MRAS: variants seen among roughly 807,000 people sequenced by gnomAD.
MRAS encodes ras-related protein M-Ras.
MRAS carries 4 observed loss-of-function variants against 20.9 expected under a neutral mutation model. The ratio of observed to expected loss-of-function variants is 0.19; its 90% CI spans 0.09 to 0.44. The LOEUF is 0.44. MRAS is among the 20% of genes least tolerant of loss of function. MRAS has a pLI of 0.99. For synonymous variants in MRAS, 98 were observed against 102.9 expected (o/e 0.95, Z 0.29); for missense variants, 154 against 277.5 (o/e 0.56, Z 3.16).
At chr3:138,360,365 G>C (rs572110774) in intron 1 of MRAS, among the ~76,000 whole-genome samples, 3 of 152,214 alleles carry the variant, frequency 2.0e-5, no homozygotes, top group Non-Finnish European at 4.4e-5. Context: ...TGAACTGGCG[G>C]AACACCGTGA....
chr3:138,354,685 C>A (rs1280695920), intron 1 of MRAS, among the ~76,000 whole-genome samples: 1 of 152,156 alleles, frequency 6.6e-6, no homozygotes, highest in Non-Finnish European at 1.5e-5. Flanking sequence ...GTCATAGCTG[C>A]CTAAACTGAA....
rs75161827 is a variant in MRAS, at chr3:138,376,804, A to G, written c.193+3728A>G. 7.2e-3 allele frequency among the ~76,000 whole-genome samples: 1,100 copies of G among 152,352 alleles called. 18 individuals are homozygous for G. Among genetic ancestry groups the G allele is most frequent in the African/African-American group, 0.026 (1,067 of 41,570 alleles). ...CATATTAGAGGTGTAGTGATAGGAT[A>G]CATTGTCCTTAGAGCTTCCCACAGG... On this transcript the variant is annotated intron_variant, in intron 2 of 5. Transcript: ENST00000423968.
intron 4 of MRAS, among the ~76,000 whole-genome samples, chr3:138,398,993 G>T (rs1458487321): frequency 1.4e-4 from 22 of 152,204 alleles, no homozygotes; most frequent in Admixed American, 1.3e-3. Flanking sequence ...AGGGATGCAC[G>T]TTGTCCTGAC....
intron 1 of MRAS, among the ~76,000 whole-genome samples, chr3:138,363,045 G>GT (rs111994592): frequency 2.7e-4 from 41 of 150,336 alleles, no homozygotes; most frequent in South Asian, 1.1e-3. Flanking sequence ...TGTTTTTTGT[G>GT]TTTTTTTTTG....
At chr3:138,381,735 C>G (rs1261439979) in intron 2 of MRAS, among the ~76,000 whole-genome samples, 3 of 152,230 alleles carry the variant, frequency 2.0e-5, no homozygotes, top group African/African-American at 7.2e-5. Flanking sequence ...TGGCTCTTCT[C>G]CTGCACCATC....
chr3:138,363,823 C>A (rs796457575), intron 1 of MRAS, among the ~76,000 whole-genome samples: 32 of 95,136 alleles, frequency 3.4e-4, no homozygotes, highest in African/African-American at 1.1e-3. Context: ...GGATTTACCC[C>A]CCCCCCCCCC....
chr3:138,400,816 G>A (rs879364551), intron 5 of MRAS, among the ~76,000 whole-genome samples: 1 of 152,144 alleles, frequency 6.6e-6, no homozygotes, highest in Non-Finnish European at 1.5e-5. Flanking sequence ...GCTGCTAACG[G>A]GTTTGTGGGT....
intron 1 of MRAS, among the ~76,000 whole-genome samples, chr3:138,360,950 G>C (rs192331050): frequency 5.0e-4 from 76 of 152,354 alleles, no homozygotes; most frequent in African/African-American, 1.8e-3. Context: ...TCAGGTCAGA[G>C]ATATGGCCTT....
chr3:138,398,899 G>A (rs570443838), intron 4 of MRAS, among the ~76,000 whole-genome samples: 4 of 152,314 alleles, frequency 2.6e-5, no homozygotes, highest in East Asian at 1.9e-4. Flanking sequence ...TTACTGAGCC[G>A]GTAGGAGTAC....
At chr3:138,398,208 C>G (rs535344747) in intron 3 of MRAS, among the ~76,000 whole-genome samples, 3 of 152,242 alleles carry the variant, frequency 2.0e-5, no homozygotes, top group Non-Finnish European at 4.4e-5. Context: ...GAGCCAGCCC[C>G]TGGCCAGCAG....
chr3:138,402,091 TG>T, intron 5 of MRAS, 78 bp from the exon 6 acceptor site: 1 of 1,383,322 alleles, frequency 7.2e-7, no homozygotes, highest in Non-Finnish European at 1.0e-6. Flanking sequence ...GACTCAGATC[TG>T]GGGCTAGGGA....
At chr3:138,392,545 A>G (rs953628305) in intron 2 of MRAS, among the ~76,000 whole-genome samples, 2 of 152,116 alleles carry the variant, frequency 1.3e-5, no homozygotes, top group Non-Finnish European at 1.5e-5. Flanking sequence ...ACATGCCTAG[A>G]TGCTTATGAT....
intron 2 of MRAS, among the ~76,000 whole-genome samples, chr3:138,381,610 T>C (rs2054906513): frequency 6.6e-6 from 1 of 152,202 alleles, no homozygotes; most frequent in Admixed American, 6.5e-5. Flanking sequence ...AGAACAGCAG[T>C]GGGCCCTGAG....
intron 2 of MRAS, among the ~76,000 whole-genome samples, chr3:138,390,506 T>G: frequency 6.6e-6 from 1 of 152,246 alleles, no homozygotes; most frequent in East Asian, 1.9e-4. Context: ...ACTAATACTT[T>G]CTGTCTCTGG....
chr3:138,383,698 T>G (rs1442223670), intron 2 of MRAS, among the ~76,000 whole-genome samples: 1 of 152,224 alleles, frequency 6.6e-6, no homozygotes, highest in Non-Finnish European at 1.5e-5. Flanking sequence ...ACTAATTCCT[T>G]CTGCAAATAA....
chr3:138,397,250 T>C (rs2108561318), intron 2 of MRAS, 74 bp from the exon 3 acceptor site: 1 of 1,537,756 alleles, frequency 6.5e-7, no homozygotes, highest in Non-Finnish European at 8.9e-7. Context: ...GCAGCAGCAG[T>C]GTTGGAGTCT....
chr3:138,398,556 G>C lies in MRAS; in HGVS notation c.435G>C (p.Ala145=), dbSNP rs754375420. Residue 145 remains alanine, a synonymous_variant, in exon 4 of 6, where the codon GCG becomes GCC. Transcript: ENST00000423968. The part of the protein sequence containing the change: ...KITREQGKEM[A]TKHNIPYIET... ...CCAGGGAGCAAGGAAAAGAAATGGC[G>C]ACCAAACACAATGTAGGTGTGTGCG... 2 of 1,614,098 alleles carry C rather than the reference G, an allele frequency of 1.2e-6. No individual in the cohort carries two copies. The highest frequency in any genetic ancestry group is 2.7e-5 in the African/African-American group (2 of 75,034).
rs917384399 is a variant in MRAS, at chr3:138,361,792, C to T, written c.-18-11074C>T. ...CCTGGTTGAGTGACCACCAGCATGA[C>T]GTTCCCAATTGCACGCAGATTCCTA... is the stretch of plus-strand genomic sequence containing the variant. On this transcript the variant is annotated intron_variant, in intron 1 of 5. Transcript: ENST00000423968. 3.9e-5 allele frequency among the ~76,000 whole-genome samples: 6 copies of T among 152,310 alleles called. No individual in the cohort carries two copies. In the East Asian group the frequency reaches 5.8e-4, roughly 15 times the overall value.
intron 1 of MRAS, among the ~76,000 whole-genome samples, chr3:138,367,645 A>G (rs1468651226): frequency 6.6e-6 from 1 of 152,186 alleles, no homozygotes; most frequent in Non-Finnish European, 1.5e-5. Flanking sequence ...CCGTGTGGGT[A>G]GAAGGCCGCA....
Sources: allele counts gnomAD v4.1 joint callset (sites outside exome capture counted in the v4.1 genomes callset), GRCh38; gene constraint gnomAD v4.1.1; transcripts MANE v1.5; gene names NCBI Gene and HGNC (gene_info 2026-07-23, HGNC 2026-07-21).